Variants in PCDHGB4 observed in about 807,000 individuals in gnomAD.
PCDHGB4 encodes protocadherin gamma-B4.
Under a neutral mutation model 60.5 loss-of-function variants are expected in PCDHGB4, and 38 were observed. The ratio of observed to expected loss-of-function variants is 0.63; its 90% CI spans 0.48 to 0.82. The LOEUF is 0.82. Among genes scored for constraint, PCDHGB4 ranks in the 40% least tolerant of loss-of-function variants. The pLI is 0.00. For synonymous variants in PCDHGB4, 456 were observed against 509.7 expected (o/e 0.89, Z 1.42); for missense variants, 1,109 against 1,209.6 (o/e 0.92, Z 1.23).
intron 2 of PCDHGB4, among the ~76,000 whole-genome samples, chr5:141,498,352 CA>C: frequency 6.6e-6 from 1 of 151,890 alleles, no homozygotes; most frequent in African/African-American, 2.4e-5. Flanking sequence ...AAAGCCTATG[CA>C]AAAGCCTTGT....
intron 2 of PCDHGB4, among the ~76,000 whole-genome samples, chr5:141,500,182 A>T (rs1050067271): frequency 4.6e-5 from 6 of 131,718 alleles, no homozygotes; most frequent in African/African-American, 1.9e-4. Context: ...CTTCATTTTT[A>T]TTTTTATTTA....
intron 1 of PCDHGB4, chr5:141,421,750 C>G: frequency 6.2e-7 from 1 of 1,613,906 alleles, no homozygotes; most frequent in East Asian, 2.2e-5. Flanking sequence ...CCAGCTCAGC[C>G]CTAATAATTA....
chr5:141,432,374 C>A lies in PCDHGB4; in HGVS notation c.2397+42093C>A. 2.5e-6 allele frequency: 4 copies of A among 1,614,240 alleles called. No individual in the cohort carries two copies. Among genetic ancestry groups the A allele is most frequent in the Non-Finnish European group, 3.4e-6 (4 of 1,180,042 alleles). On this transcript the variant is annotated intron_variant, in intron 1 of 3. Coordinates refer to ENST00000519479, the MANE Select transcript of PCDHGB4 (RefSeq NM_003736.4). This position sits in a 1 kb window ranked among gnomAD's most constrained non-coding sequence, Gnocchi z 6.0. ...GAAAGTGATGGCGCGGGACAACGGG[C>A]ACCCGCCCCTCAGCAGCAACGTGTC...
intron 1 of PCDHGB4, chr5:141,400,753 T>C: frequency 1.7e-6 from 1 of 597,232 alleles, no homozygotes; most frequent in Non-Finnish European, 2.9e-6. Flanking sequence ...CTTAGCTTCC[T>C]CTCTAGCAAA....
At position 141,490,169 on chromosome 5, in the gene PCDHGB4, T is replaced by C; in HGVS notation, c.2398-4638T>C. ...ATCCATGTGTTGGGTCCCATAGACT[T>C]TGAGGAGTCACGTTTCTATGAAATT... On this transcript the variant is annotated intron_variant, in intron 1 of 3. Transcript: ENST00000519479. This position sits in a 1 kb window ranked among gnomAD's most constrained non-coding sequence, Gnocchi z 5.4. 6.2e-7 allele frequency: 1 copy of C among 1,614,190 alleles called. No individual in the cohort carries two copies. The highest frequency in any genetic ancestry group is 8.5e-7 in the Non-Finnish European group (1 of 1,180,018).
rs141958687 is a variant in PCDHGB4 at position 141,509,744 on chromosome 5, G to A, written c.2546-1203G>A. 3.3e-3 allele frequency among the ~76,000 whole-genome samples: 509 copies of A among 152,266 alleles called. 3 individuals are homozygous for A. The highest frequency in any genetic ancestry group is 5.5e-3 in the Non-Finnish European group (372 of 68,024). On this transcript the variant is annotated intron_variant, in intron 3 of 3. Coordinates refer to ENST00000519479, the MANE Select transcript of PCDHGB4 (RefSeq NM_003736.4). ...CACCTAGCTGTGGCACTCTGAGCCT[G>A]TGCCTAAAGTGTCCCTGAGATGTCT...
rs962136728 is a variant in PCDHGB4 at position 141,491,524 on chromosome 5, G to A, written c.2398-3283G>A. 1 of 1,613,960 alleles carries A rather than the reference G, an allele frequency of 6.2e-7. No homozygotes were observed. The highest frequency in any genetic ancestry group is 1.3e-5 in the African/African-American group (1 of 74,936). On this transcript the variant is annotated intron_variant, in intron 1 of 3. Coordinates refer to ENST00000519479, the MANE Select transcript of PCDHGB4 (RefSeq NM_003736.4). The surrounding 1 kb of genome is among the most constrained non-coding windows in gnomAD (Gnocchi z 6.9). ...GGACGGCACGCTCAAGTACATGGAG[G>A]TGACGCTGCGGCCCACAGACTCGCA...
At chr5:141,474,345 G>A (rs541613646) in intron 1 of PCDHGB4, among the ~76,000 whole-genome samples, 7 of 152,124 alleles carry the variant, frequency 4.6e-5, no homozygotes, top group African/African-American at 7.2e-5. Flanking sequence ...TTGTTAAAAT[G>A]TAAGTCATGT....
In PCDHGB4 at chr5:141,388,698, G is replaced by T. The variant is rs752631718; in HGVS notation, c.814G>T (p.Gly272Cys). 1.2e-6 allele frequency: 2 copies of T among 1,613,886 alleles called. No homozygotes were observed. The highest frequency in any genetic ancestry group is 1.7e-5 in the Admixed American group (1 of 60,010). Residue 272 changes from glycine (G) to cysteine (C), a missense_variant, in exon 1 of 4, where the codon GGT (glycine) becomes TGT (cysteine). Around this residue, in one of 2 missense-constraint regions of PCDHGB4, gnomAD observed 1,068 missense variants for 1,089.9 expected, o/e 0.98. Transcript: ENST00000519479. ...GGTGACTGCCACGGACCAGGATGAG[G>T]GTGTCAATGCCGAGATTACTTTCTC... ...LQVTATDQDE[G>C]VNAEITFSFS...
chr5:141,413,541 GATAGAA>G (rs2095653692), intron 1 of PCDHGB4: 1 of 1,613,904 alleles, frequency 6.2e-7, no homozygotes, highest in Non-Finnish European at 8.5e-7. Flanking sequence ...AACTTTTTGG[GATAGAA>G]ATAGAAGTAA....
intron 1 of PCDHGB4, among the ~76,000 whole-genome samples, chr5:141,435,444 A>T (rs1471113812): frequency 1.3e-5 from 2 of 152,216 alleles, no homozygotes; most frequent in South Asian, 2.1e-4. Context: ...TTTCATTAAT[A>T]CGATATCTGT....
At chr5:141,403,172 C>T in intron 1 of PCDHGB4, 1 of 1,614,018 alleles carries the variant, frequency 6.2e-7, no homozygotes, top group Non-Finnish European at 8.5e-7. Context: ...TAGGACGCAG[C>T]TTTTCTCTCT....
Position 141,489,978 on chromosome 5 carries a change from T to C in PCDHGB4, c.2398-4829T>C. 6.2e-7 allele frequency: 1 copy of C among 1,614,192 alleles called. No homozygotes were observed. Among genetic ancestry groups the C allele is most frequent in the Non-Finnish European group, 8.5e-7 (1 of 1,180,012 alleles). On this transcript the variant is annotated intron_variant, in intron 1 of 3. Coordinates refer to ENST00000519479, the MANE Select transcript of PCDHGB4 (RefSeq NM_003736.4). The surrounding 1 kb of genome is among the most constrained non-coding windows in gnomAD (Gnocchi z 4.5). ...ATGCTCCAACCTTCCAATCCTCAGT[T>C]CTACGTGTGGGAATCCCAGAGAATG...
chr5:141,402,955 G>A (rs753305536), intron 1 of PCDHGB4: 3 of 1,601,910 alleles, frequency 1.9e-6, no homozygotes, highest in Non-Finnish European at 2.6e-6. Context: ...AGGCAGCAAT[G>A]GCAGCTCCAA....
chr5:141,420,271 A>G, intron 1 of PCDHGB4: 1 of 1,536,584 alleles, frequency 6.5e-7, no homozygotes, highest in Non-Finnish European at 8.8e-7. Flanking sequence ...AGATTCTTAA[A>G]CAGGTAAGTA....
intron 1 of PCDHGB4, among the ~76,000 whole-genome samples, chr5:141,456,046 C>T (rs759479772): frequency 1.3e-5 from 2 of 151,904 alleles, no homozygotes; most frequent in Non-Finnish European, 2.9e-5. Context: ...TACAGGCGCC[C>T]ACCACCACGT....
intron 1 of PCDHGB4, chr5:141,413,855 C>A: frequency 3.7e-6 from 6 of 1,613,324 alleles, no homozygotes; most frequent in Non-Finnish European, 5.1e-6. Flanking sequence ...CCTCTCCGAT[C>A]TGGCACTGTC....
chr5:141,389,625 G>C lies in PCDHGB4; in HGVS notation c.1741G>C (p.Glu581Gln). ...ALFDMVPHAA[E>Q]PGYLVTKVVA... ...CTTCGATATGGTGCCGCACGCTGCA[G>C]AGCCTGGCTACTTGGTGACCAAGGT... is the stretch of plus-strand genomic sequence containing the variant. Residue 581 changes from glutamate to glutamine, a missense_variant, in exon 1 of 4, where the codon GAG becomes CAG. Glu to Gln is a conservative substitution (Grantham distance 29). Around this residue, in one of 2 missense-constraint regions of PCDHGB4, gnomAD observed 1,068 missense variants for 1,089.9 expected, o/e 0.98. Coordinates refer to ENST00000519479, the MANE Select transcript of PCDHGB4 (RefSeq NM_003736.4). 1 of 1,613,020 alleles carries C rather than the reference G, an allele frequency of 6.2e-7. No homozygotes were observed. The highest frequency in any genetic ancestry group is 8.5e-7 in the Non-Finnish European group (1 of 1,179,848).
At chr5:141,462,905 T>G (rs542357408) in intron 1 of PCDHGB4, among the ~76,000 whole-genome samples, 265 of 152,356 alleles carry the variant, frequency 1.7e-3, no homozygotes, top group Non-Finnish European at 3.1e-3. Flanking sequence ...AAGGCTATTA[T>G]GTTTTTTGCA....
Sources: gnomAD v4.1 joint callset for allele counts (sites outside exome capture counted in the v4.1 genomes callset) on GRCh38, gnomAD v4.1.1 for gene constraint, gnomAD v4.1.1 regional missense constraint, Gnocchi (gnomAD v3.1) non-coding constraint, MANE v1.5 for transcripts, NCBI Gene and HGNC (gene_info 2026-07-23, HGNC 2026-07-21) for gene names.